Variants in RSPRY1 observed in about 807,000 individuals in gnomAD.
RSPRY1 encodes ring finger and SPRY domain containing 1, also known as RING finger and SPRY domain-containing protein 1.
In RSPRY1, 23 loss-of-function variants were observed where a neutral mutation model predicts 73.1. That is an observed-to-expected ratio of 0.31 (90% CI 0.23 to 0.45). RSPRY1 has a LOEUF of 0.45. RSPRY1 is among the 20% of genes least tolerant of loss of function. The pLI, the probability that RSPRY1 is intolerant of heterozygous loss-of-function variation, is 1.00. For synonymous variants in RSPRY1, 226 were observed against 251.4 expected (o/e 0.90, Z 0.95); for missense variants, 448 against 698.7 (o/e 0.64, Z 4.05).
intron 4 of RSPRY1, among the ~76,000 whole-genome samples, chr16:57,209,484 C>T (rs1481114295): frequency 6.6e-6 from 1 of 152,136 alleles, no homozygotes; most frequent in Non-Finnish European, 1.5e-5. Flanking sequence ...CTGCCTCAGC[C>T]TCCCAAGTAG....
intron 1 of RSPRY1, among the ~76,000 whole-genome samples, chr16:57,193,097 C>G (rs925264864): frequency 6.6e-6 from 1 of 152,152 alleles, no homozygotes; most frequent in African/African-American, 2.4e-5. Flanking sequence ...AGGGAAATGT[C>G]AGAATCATCC....
chr16:57,189,270 A>C (rs1405282116), intron 1 of RSPRY1, among the ~76,000 whole-genome samples: 1 of 152,136 alleles, frequency 6.6e-6, no homozygotes, highest in African/African-American at 2.4e-5. Context: ...TGCTGGGATT[A>C]CAGGCATGAG....
At chr16:57,199,895 G>GCTTTTTTTTTTTTTTTTTT (rs2074530026) in intron 1 of RSPRY1, among the ~76,000 whole-genome samples, 1 of 106,254 alleles carries the variant, frequency 9.4e-6, no homozygotes, top group African/African-American at 3.6e-5. Flanking sequence ...TTTTTTGTTT[G>GCTTTTTTTTTTTTTTTTTT]TTTTTTTTTT....
At chr16:57,207,441 G>T (rs1212340729) in intron 2 of RSPRY1, among the ~76,000 whole-genome samples, 8 of 152,122 alleles carry the variant, frequency 5.3e-5, no homozygotes, top group African/African-American at 1.9e-4. Context: ...TCCCCTGAAG[G>T]ACTTTTTAAA....
chr16:57,196,727 C>A (rs779561479), intron 1 of RSPRY1, among the ~76,000 whole-genome samples: 1 of 152,134 alleles, frequency 6.6e-6, no homozygotes, highest in Non-Finnish European at 1.5e-5. Flanking sequence ...AAATTCTTTA[C>A]TTTTCTTAGT....
chr16:57,234,468 G>A (rs2075272299), intron 13 of RSPRY1, among the ~76,000 whole-genome samples: 3 of 152,150 alleles, frequency 2.0e-5, no homozygotes, highest in South Asian at 2.1e-4. Context: ...CCAAAGGCAG[G>A]GATACTTTTT....
chr16:57,203,728 T>C (rs1276803250), intron 1 of RSPRY1, among the ~76,000 whole-genome samples: 1 of 152,238 alleles, frequency 6.6e-6, no homozygotes, highest in Non-Finnish European at 1.5e-5. Flanking sequence ...TAGTCCAGCG[T>C]GGTACCTGGC....
intron 1 of RSPRY1, among the ~76,000 whole-genome samples, chr16:57,192,062 A>G (rs1164907343): frequency 1.3e-5 from 2 of 152,210 alleles, no homozygotes; most frequent in African/African-American, 4.8e-5. Context: ...TATTTTGGAG[A>G]GACTTTATGT....
chr16:57,188,441 T>TA (rs772985394), intron 1 of RSPRY1, among the ~76,000 whole-genome samples: 1 of 152,204 alleles, frequency 6.6e-6, no homozygotes, highest in Non-Finnish European at 1.5e-5. Flanking sequence ...TCGTACTTGT[T>TA]AGAGATGGTT....
intron 9 of RSPRY1, among the ~76,000 whole-genome samples, 167 bp from the exon 10 acceptor site, chr16:57,221,105 T>C (rs1279789844): frequency 1.3e-5 from 2 of 152,230 alleles, no homozygotes; most frequent in African/African-American, 2.4e-5. Context: ...AAATGCCTTA[T>C]GTAGTTTGGT....
chr16:57,201,785 C>T (rs558197403), intron 1 of RSPRY1, among the ~76,000 whole-genome samples: 25 of 152,324 alleles, frequency 1.6e-4, no homozygotes, highest in African/African-American at 4.8e-4. Flanking sequence ...AGCGAAACCC[C>T]GTCTCCACCA....
chr16:57,196,722 C>A (rs1208249441), intron 1 of RSPRY1, among the ~76,000 whole-genome samples: 1 of 152,098 alleles, frequency 6.6e-6, no homozygotes, highest in Admixed American at 6.5e-5. Context: ...AAGATAAATT[C>A]TTTACTTTTC....
intron 7 of RSPRY1, chr16:57,216,467 C>G: frequency 2.6e-6 from 1 of 382,160 alleles, no homozygotes; most frequent in Non-Finnish European, 4.7e-6. Flanking sequence ...CCCATAATCC[C>G]AGCACTTTGG....
At chr16:57,198,371 A>G (rs145237343) in intron 1 of RSPRY1, among the ~76,000 whole-genome samples, 5,066 of 144,956 alleles carry the variant, frequency 0.035, 284 homozygotes, top group East Asian at 0.24. Flanking sequence ...GCGACAGAGC[A>G]AGACTCCGTC....
Position 57,235,176 on chromosome 16 carries a change from TC to T in RSPRY1, c.1585del (p.Leu529PhefsTer6). The T allele has an allele frequency of 6.2e-7, 1 of 1,614,200 alleles. No homozygotes were observed. The highest frequency in any genetic ancestry group is 8.5e-7 in the Non-Finnish European group (1 of 1,180,026). The part of the protein sequence containing the change: ...KQVSIRENCC[S>X]LCCDEVADTQ... ...AGTCAGTATCCGAGAAAACTGCTGT[TC>T]CCTTTGTTGTGATGAGGTAGCAGAC... On this transcript the variant is annotated frameshift_variant, in exon 14 of 15. Transcript: ENST00000394420. LOFTEE classifies it high-confidence loss of function.
At chr16:57,190,853 T>G (rs145069099) in intron 1 of RSPRY1, among the ~76,000 whole-genome samples, 1 of 152,218 alleles carries the variant, frequency 6.6e-6, no homozygotes, top group African/African-American at 2.4e-5. Context: ...GTAGTAACTT[T>G]AGATAAATGT....
Position 57,239,003 on chromosome 16 carries a change from T to G in RSPRY1, c.*28T>G. The G allele has an allele frequency of 8.0e-7, 1 of 1,253,164 alleles. No individual in the cohort carries two copies. Among genetic ancestry groups the G allele is most frequent in the East Asian group, 2.3e-5 (1 of 42,738 alleles). The allele number at this position is 1,253,164 out of a possible 1,614,324, so 77.6% of individuals were successfully genotyped here. ...CATGTGAAGAGGCATCGTGGACTTT[T>G]TTCTACTCAATTCCAGCCAATGTTG... On this transcript the variant is annotated 3_prime_UTR_variant, in exon 15 of 15. Coordinates refer to ENST00000394420, the MANE Select transcript of RSPRY1 (RefSeq NM_133368.3).
intron 1 of RSPRY1, among the ~76,000 whole-genome samples, chr16:57,190,921 AG>A (rs1208844862): frequency 8.5e-5 from 13 of 152,368 alleles, no homozygotes; most frequent in Admixed American, 8.5e-4. Context: ...GTGGCCTCTT[AG>A]AGAACATTCC....
At chr16:57,202,896 A>G (rs978215327) in intron 1 of RSPRY1, among the ~76,000 whole-genome samples, 1 of 146,530 alleles carries the variant, frequency 6.8e-6, no homozygotes, top group African/African-American at 2.5e-5. Flanking sequence ...ATATATATAT[A>G]TATATATATA....
Sources: allele counts gnomAD v4.1 joint callset (sites outside exome capture counted in the v4.1 genomes callset), GRCh38; gene constraint gnomAD v4.1.1; transcripts MANE v1.5; gene names NCBI Gene and HGNC (gene_info 2026-07-23, HGNC 2026-07-21).